Variants in ABCC9 observed in about 807,000 individuals in gnomAD.
ABCC9 encodes the protein ATP binding cassette subfamily C member 9.
ABCC9 carries 95 observed loss-of-function variants against 188.3 expected under a neutral mutation model. The observed-to-expected ratio is 0.50, with a 90% confidence interval of 0.43 to 0.60. The LOEUF (loss-of-function observed/expected upper bound fraction) is 0.60, where lower values mean the gene tolerates loss of function less well. Ranked by LOEUF, ABCC9 falls within the 20% of genes least tolerant of loss-of-function variation. The probability of loss-of-function intolerance (pLI) is 0.00; values close to 1 mark genes in which losing one functional copy is unlikely to be tolerated. For missense variants in ABCC9, 1,102 were observed against 1,876.3 expected (o/e 0.59, Z 7.62); for synonymous variants, 659 against 652.7 (o/e 1.01, Z -0.15).
chr12:21,886,049 A>G (rs1303090211), intron 15 of ABCC9, among the ~76,000 whole-genome samples: 6 of 152,166 alleles, frequency 3.9e-5, no homozygotes, highest in African/African-American at 7.2e-5. Flanking sequence ...CGGTGGAATA[A>G]TGCTTTTCTA....
chr12:21,836,884 A>G (rs935953708), intron 30 of ABCC9, among the ~76,000 whole-genome samples: 2 of 152,214 alleles, frequency 1.3e-5, no homozygotes, highest in African/African-American at 4.8e-5. Context: ...AATATCACAA[A>G]GGAAATAAAA....
At chr12:21,810,006 T>G in intron 36 of ABCC9, 51 bp from the exon 37 acceptor site, 1 of 1,109,432 alleles carries the variant, frequency 9.0e-7, no homozygotes, top group Non-Finnish European at 1.4e-6. Flanking sequence ...ATAGAAACTT[T>G]TATGTATATT....
At chr12:21,916,860 T>C in intron 6 of ABCC9, 77 bp downstream of exon 6, 7 of 1,352,254 alleles carry the variant, frequency 5.2e-6, no homozygotes, top group Middle Eastern at 3.8e-4. Flanking sequence ...TCAATACTAA[T>C]GATTTCTAGC....
chr12:21,936,381 T>C (rs1481452955), intron 3 of ABCC9, 152 bp downstream of exon 3: 11 of 717,240 alleles, frequency 1.5e-5, no homozygotes, highest in Admixed American at 2.9e-5. Context: ...GTCAAAAATA[T>C]ATGTTTGAAA....
At chr12:21,905,190 A>G (rs1241845214) in intron 12 of ABCC9, among the ~76,000 whole-genome samples, 1 of 152,096 alleles carries the variant, frequency 6.6e-6, no homozygotes, top group Non-Finnish European at 1.5e-5. Flanking sequence ...CAAACACCAC[A>G]TGTTCTCACT....
At chr12:21,836,215 G>C (rs2137325063) in intron 30 of ABCC9, among the ~76,000 whole-genome samples, 1 of 152,238 alleles carries the variant, frequency 6.6e-6, no homozygotes. Context: ...GAGTTATTGT[G>C]ATGAACACAA....
chr12:21,898,380 C>T (rs1323600302), intron 12 of ABCC9, among the ~76,000 whole-genome samples: 1 of 152,132 alleles, frequency 6.6e-6, no homozygotes, highest in African/African-American at 2.4e-5. Context: ...GGGTCACCAA[C>T]TTAGAGTAGT....
chr12:21,884,701 A>T (rs1434537503), intron 15 of ABCC9, among the ~76,000 whole-genome samples: 3 of 152,218 alleles, frequency 2.0e-5, no homozygotes, highest in African/African-American at 7.2e-5. Context: ...AAATACACAA[A>T]TTAAAAAGCC....
At chr12:21,836,274 C>T (rs575360133) in intron 30 of ABCC9, among the ~76,000 whole-genome samples, 2 of 152,284 alleles carry the variant, frequency 1.3e-5, no homozygotes, top group African/African-American at 4.8e-5. Context: ...GACTACCACA[C>T]ATTGAAAGGA....
chr12:21,868,106 C>T (rs1274539498), intron 18 of ABCC9, among the ~76,000 whole-genome samples: 1 of 151,944 alleles, frequency 6.6e-6, no homozygotes, highest in East Asian at 1.9e-4. Context: ...TTTTTTCATT[C>T]CTCTCTCCTC....
At chr12:21,856,927 A>G (rs1267948901) in intron 22 of ABCC9, among the ~76,000 whole-genome samples, 1 of 152,232 alleles carries the variant, frequency 6.6e-6, no homozygotes, top group Non-Finnish European at 1.5e-5. Flanking sequence ...TTCACTAGAC[A>G]TCAGTCCTTG....
intron 12 of ABCC9, among the ~76,000 whole-genome samples, chr12:21,905,676 A>G (rs1458363047): frequency 2.0e-5 from 3 of 152,178 alleles, no homozygotes; most frequent in Admixed American, 6.6e-5. Flanking sequence ...AAATAGTTAA[A>G]GGATCTTTGG....
At chr12:21,895,839 T>C (rs1947376703) in intron 12 of ABCC9, among the ~76,000 whole-genome samples, 1 of 152,138 alleles carries the variant, frequency 6.6e-6, no homozygotes. Flanking sequence ...ATATCTCTCC[T>C]GGAATATATT....
At chr12:21,925,229 G>A (rs1010562444) in intron 5 of ABCC9, 15 of 358,646 alleles carry the variant, frequency 4.2e-5, no homozygotes, top group Non-Finnish European at 6.0e-5. Context: ...TACAGTGATG[G>A]GTCAGAGTAT....
At chr12:21,811,544 A>G (rs572255975) in intron 36 of ABCC9, among the ~76,000 whole-genome samples, 9 of 152,138 alleles carry the variant, frequency 5.9e-5, no homozygotes, top group African/African-American at 2.2e-4. Context: ...ATCAGATAAT[A>G]TATTTAAAGC....
At position 21,824,880 on chromosome 12, in the gene ABCC9, C is replaced by A. The variant is rs530170832; in HGVS notation, c.3669+4078G>T. On this transcript the variant is annotated intron_variant, in intron 31 of 39. Transcript: ENST00000261200. ...TATTGCATGTATTTGATTCTTTTCT[C>A]TTTTCTTCTTTATTAGTCTGGCTAG... 7.3e-5 allele frequency among the ~76,000 whole-genome samples: 11 copies of A among 151,266 alleles called. No homozygotes were observed. In the South Asian group the frequency reaches 2.3e-3, roughly 31 times the overall value.
intron 39 of ABCC9, among the ~76,000 whole-genome samples, chr12:21,802,530 T>A (rs1418190547): frequency 6.6e-6 from 1 of 152,234 alleles, no homozygotes; most frequent in Admixed American, 6.5e-5. Context: ...AATATAAAAA[T>A]GATTCATGAT....
intron 12 of ABCC9, among the ~76,000 whole-genome samples, chr12:21,904,558 C>G (rs907847653): frequency 1.3e-5 from 2 of 152,102 alleles, no homozygotes; most frequent in African/African-American, 4.8e-5. Context: ...CCAGAATCTA[C>G]AAAGAACTCA....
chr12:21,939,238 C>T (rs1179598154), intron 2 of ABCC9, among the ~76,000 whole-genome samples: 1 of 152,164 alleles, frequency 6.6e-6, no homozygotes, highest in Non-Finnish European at 1.5e-5. Flanking sequence ...CTGTGCATTA[C>T]CTTACCGCAT....
Sources: gnomAD v4.1 joint callset for allele counts (sites outside exome capture counted in the v4.1 genomes callset) on GRCh38, gnomAD v4.1.1 for gene constraint, MANE v1.5 for transcripts, NCBI Gene and HGNC (gene_info 2026-07-23, HGNC 2026-07-21) for gene names.